CPXM2: variants seen among roughly 807,000 people sequenced by gnomAD.
CPXM2 encodes inactive carboxypeptidase-like protein X2.
Under a neutral mutation model 86.1 loss-of-function variants are expected in CPXM2, and 66 were observed. The observed-to-expected ratio is 0.77, with a 90% CI of 0.63 to 0.94. The LOEUF (loss-of-function observed/expected upper bound fraction) is 0.94, where lower values mean the gene tolerates loss of function less well. Ranked by LOEUF, CPXM2 falls within the 40% of genes least tolerant of loss-of-function variation. CPXM2 has a pLI of 0.00. For synonymous variants in CPXM2, 388 were observed against 400.2 expected (o/e 0.97, Z 0.36); for missense variants, 948 against 1,026.3 (o/e 0.92, Z 1.04).
At chr10:123,774,130 T>C (rs541503617) in intron 7 of CPXM2, among the ~76,000 whole-genome samples, 58 of 152,146 alleles carry the variant, frequency 3.8e-4, no homozygotes, top group Admixed American at 3.3e-4. Context: ...TTCATGACAG[T>C]GTGTTAAAGA....
chr10:123,917,521 G>C (rs7067790), intron 2 of CPXM2, among the ~76,000 whole-genome samples: 53,362 of 152,098 alleles, frequency 0.35, 9,758 homozygotes, highest in Middle Eastern at 0.55. Context: ...TTGCTATTTT[G>C]TACACATAAT....
chr10:123,827,527 G>A (rs1402021576), intron 4 of CPXM2, among the ~76,000 whole-genome samples: 2 of 152,200 alleles, frequency 1.3e-5, no homozygotes, highest in East Asian at 1.9e-4. Flanking sequence ...AACGGGACTC[G>A]CATGCTGAAA....
At chr10:123,785,522 T>C (rs1261680907) in intron 6 of CPXM2, among the ~76,000 whole-genome samples, 2 of 152,124 alleles carry the variant, frequency 1.3e-5, no homozygotes, top group Non-Finnish European at 2.9e-5. Flanking sequence ...AACCCCTCAG[T>C]CCCTGGCAGC....
chr10:123,783,214 C>T (rs111662968), intron 6 of CPXM2, among the ~76,000 whole-genome samples: 1,768 of 152,386 alleles, frequency 0.012, 12 homozygotes, highest in Middle Eastern at 0.031. Flanking sequence ...GCCCATGCCG[C>T]TGTTCTGCCT....
At chr10:123,943,845 A>G (rs1460989505), upstream of CPXM2, among the ~76,000 whole-genome samples, 1 of 152,148 alleles carries the variant, frequency 6.6e-6, no homozygotes, top group Non-Finnish European at 1.5e-5. Flanking sequence ...TCCCAGATGG[A>G]GCAGACAACC....
At chr10:123,753,681 G>T (rs1279784739) in intron 13 of CPXM2, among the ~76,000 whole-genome samples, 1 of 152,188 alleles carries the variant, frequency 6.6e-6, no homozygotes, top group African/African-American at 2.4e-5. Flanking sequence ...GCAGCCTTCT[G>T]CTGTCCTGAC....
At chr10:123,920,672 A>T (rs987648909) in intron 2 of CPXM2, among the ~76,000 whole-genome samples, 1 of 152,218 alleles carries the variant, frequency 6.6e-6, no homozygotes, top group Non-Finnish European at 1.5e-5. Flanking sequence ...GTTTCTCCAT[A>T]GTTCACGTGT....
At position 123,761,271 on chromosome 10, in the gene CPXM2, C is replaced by T. The variant is rs150933390; in HGVS notation, c.1777+601G>A. ...GAGTGTGACGGGCCGTCCCGCTGGC[C>T]GCTGGAGGACAGCAGGTATGAATGG... On this transcript the variant is annotated intron_variant, in intron 11 of 13. Transcript: ENST00000241305. Among the ~76,000 whole-genome samples, 1,114 of 152,280 alleles carry T rather than the reference C, an allele frequency of 7.3e-3. 6 individuals are homozygous for T. The highest frequency in any genetic ancestry group is 0.027 in the South Asian group (131 of 4,818).
rs77423288 is a variant in CPXM2, at chr10:123,876,603, T to C, written c.403+3608A>G. Reference sequence around the variant, plus strand: ...TTTTGTATGATCTGTAAAATAAGAATAAACTTTAAATATTTTAAGGGTTAC... The same window carrying C: ...TTTTGTATGATCTGTAAAATAAGAACAAACTTTAAATATTTTAAGGGTTAC... On this transcript the variant is annotated intron_variant, in intron 2 of 13. Transcript: ENST00000241305. 4.1e-3 allele frequency among the ~76,000 whole-genome samples: 621 copies of C among 152,332 alleles called. 6 individuals are homozygous for C. The highest frequency in any genetic ancestry group is 0.014 in the African/African-American group (600 of 41,574).
intron 2 of CPXM2, among the ~76,000 whole-genome samples, chr10:123,903,952 C>T (rs953679158): frequency 6.6e-5 from 10 of 152,172 alleles, no homozygotes; most frequent in Non-Finnish European, 1.3e-4. Context: ...TCCTGCCAGC[C>T]CCCACACGGC....
intron 13 of CPXM2, among the ~76,000 whole-genome samples, chr10:123,748,239 C>A (rs1160790689): frequency 6.6e-6 from 1 of 152,124 alleles, no homozygotes; most frequent in Non-Finnish European, 1.5e-5. Context: ...TCGCTTGTGA[C>A]AATCTGAATG....
intron 13 of CPXM2, chr10:123,751,919 T>C (rs1846087069): frequency 5.1e-6 from 5 of 985,286 alleles, no homozygotes; most frequent in Admixed American, 6.1e-5. Context: ...AACTGTCTCA[T>C]TGATTGCAGG....
chr10:123,816,627 C>T (rs546044812), intron 4 of CPXM2, among the ~76,000 whole-genome samples: 1 of 152,316 alleles, frequency 6.6e-6, no homozygotes, highest in East Asian at 1.9e-4. Flanking sequence ...ATTCCTTGAG[C>T]AAATTAACAC....
intron 10 of CPXM2, among the ~76,000 whole-genome samples, chr10:123,765,501 A>G (rs190274611): frequency 9.8e-5 from 15 of 152,380 alleles, no homozygotes; most frequent in Admixed American, 5.9e-4. Flanking sequence ...TTTTGGTCTA[A>G]GTGTTCCCAA....
In CPXM2 at chr10:123,878,296, C is replaced by CTTT. The variant is rs72163200; in HGVS notation, c.403+1912_403+1914dup. 2.9e-4 allele frequency among the ~76,000 whole-genome samples: 36 copies of CTTT among 122,824 alleles called. 1 individual carries two copies. Among genetic ancestry groups the CTTT allele is most frequent in the Admixed American group, 1.6e-3 (17 of 10,358 alleles). 80.6% of individuals were successfully genotyped at this position (122,824 alleles called of 152,430 possible). A position where few individuals can be genotyped will look rare whatever the true frequency, so the allele number is the denominator to read the frequency against. ...TATCCTCGACCCCCTTTTTTTCTCT[C>CTTT]TTTTTTTTTTTTTTTTTTTTTTTTT... On this transcript the variant is annotated intron_variant, in intron 2 of 13. Transcript: ENST00000241305.
rs1012503053 is a variant in CPXM2, at chr10:123,891,646, C to T, written c.14G>A (p.Gly5Glu). Residue 5 changes from glycine (G) to glutamate (E), a missense_variant, in exon 1 of 14, where the codon GGG becomes GAG. Gly to Glu is a moderately conservative substitution (Grantham distance 98). Coordinates refer to ENST00000241305, the MANE Select transcript of CPXM2 (RefSeq NM_198148.3). This position sits in a 1 kb window ranked among gnomAD's most constrained non-coding sequence, Gnocchi z 5.6. ...CAGGGCCAGCGCTGGGGTAGCGGTC[C>T]CCGGGCGGGACATGCCTGCTCCGCC... MSRP[G>E]TATPALALVL... The T allele has an allele frequency of 6.9e-7, 1 of 1,446,056 alleles. No individual in the cohort carries two copies. The highest frequency in any genetic ancestry group is 1.5e-5 in the African/African-American group (1 of 67,140). 89.6% of individuals were successfully genotyped at this position (1,446,056 alleles called of 1,614,324 possible).
Position 123,780,190 on chromosome 10 carries a change from G to A in CPXM2, c.955C>T (p.His319Tyr). ...ACCTGGCGCATTTCCTTATAATTGT[G>A]GTGCTTAAAATCCAGGTCATCAGTG... The part of the protein sequence containing the change: ...TTTDDLDFKH[H>Y]NYKEMRQLMK... The change falls in exon 7 of 14, where the codon CAC becomes TAC. Residue 319 changes from histidine to tyrosine, a missense_variant. Physicochemically the swap from His to Tyr is moderately conservative, Grantham distance 83. Transcript: ENST00000241305. 6.2e-7 allele frequency: 1 copy of A among 1,608,268 alleles called. No individual in the cohort carries two copies. Among genetic ancestry groups the A allele is most frequent in the Non-Finnish European group, 8.5e-7 (1 of 1,174,702 alleles).
intron 1 of CPXM2, among the ~76,000 whole-genome samples, chr10:123,881,823 G>A (rs1945098748): frequency 6.6e-6 from 1 of 152,198 alleles, no homozygotes; most frequent in African/African-American, 2.4e-5. Flanking sequence ...GTGGCAATGG[G>A]ACATGTCTGT....
intron 6 of CPXM2, among the ~76,000 whole-genome samples, chr10:123,788,461 G>C (rs1338303399): frequency 6.6e-6 from 1 of 152,078 alleles, no homozygotes; most frequent in Non-Finnish European, 1.5e-5. Context: ...CCTCCAGGAG[G>C]TTGCCTGCCC....
Sources: gnomAD v4.1 joint callset for allele counts (sites outside exome capture counted in the v4.1 genomes callset) on GRCh38, gnomAD v4.1.1 for gene constraint, Gnocchi (gnomAD v3.1) non-coding constraint, MANE v1.5 for transcripts, NCBI Gene and HGNC (gene_info 2026-07-23, HGNC 2026-07-21) for gene names.